TENT2: variants seen among roughly 807,000 people sequenced by gnomAD.
TENT2 encodes poly(A) RNA polymerase GLD2.
A neutral mutation model predicts 72.2 loss-of-function variants in TENT2; 44 were observed. The ratio of observed to expected loss-of-function variants is 0.61; its 90% CI spans 0.48 to 0.78. TENT2 has a LOEUF of 0.78. Ranked by LOEUF, TENT2 falls within the 30% of genes least tolerant of loss-of-function variation. The probability of loss-of-function intolerance (pLI) is 0.00; values close to 1 mark genes in which losing one functional copy is unlikely to be tolerated. For synonymous variants in TENT2, 212 were observed against 192.5 expected (o/e 1.10, Z -0.84); for missense variants, 541 against 569.6 (o/e 0.95, Z 0.51).
chr5:79,669,084 A>G, intron 12 of TENT2, 56 bp downstream of exon 12: 2 of 1,526,784 alleles, frequency 1.3e-6, no homozygotes, highest in Non-Finnish European at 1.8e-6. Flanking sequence ...GTGTGTATGT[A>G]TGTATATATA....
chr5:79,647,637 A>G (rs1448881486), intron 8 of TENT2, among the ~76,000 whole-genome samples: 1 of 152,210 alleles, frequency 6.6e-6, no homozygotes, highest in Admixed American at 6.5e-5. Context: ...GTAGATTTCA[A>G]ATTTTATACT....
intron 4 of TENT2, among the ~76,000 whole-genome samples, chr5:79,629,833 A>T (rs1773714305): frequency 7.4e-6 from 1 of 135,678 alleles, no homozygotes; most frequent in Non-Finnish European, 1.6e-5. Context: ...TCTCAAAAAA[A>T]AAATAATAAC....
intron 10 of TENT2, among the ~76,000 whole-genome samples, chr5:79,651,205 A>G (rs1434376844): frequency 1.3e-5 from 2 of 151,998 alleles, no homozygotes; most frequent in East Asian, 1.9e-4. Context: ...TGTTTAGCCA[A>G]ATATAAATAC....
intron 11 of TENT2, 126 bp from the exon 12 acceptor site, chr5:79,668,766 C>T (rs1350518744): frequency 8.6e-7 from 1 of 1,163,770 alleles, no homozygotes; most frequent in Non-Finnish European, 1.2e-6. Context: ...TTTCAGGTTT[C>T]CAAATTGCCA....
In TENT2 at chr5:79,620,083, A is replaced by G; in HGVS notation, c.227A>G (p.Lys76Arg). 1 of 1,580,368 alleles carries G rather than the reference A, an allele frequency of 6.3e-7. No homozygotes were observed. The highest frequency in any genetic ancestry group is 8.7e-7 in the Non-Finnish European group (1 of 1,151,466). ...GCTTCCCCATTATTTCGAGGAAGGAAGTAAGTACTTCTTAATTATTTTAAA... is the reference window on the plus strand; with the variant it reads ...GCTTCCCCATTATTTCGAGGAAGGAGGTAAGTACTTCTTAATTATTTTAAA... The part of the protein sequence containing the change: ...TSASPLFRGR[K>R]RLSDEKNLPL... The change falls in exon 3 of 15, where the codon AAG becomes AGG. Residue 76 changes from lysine to arginine, a missense_variant and splice_region_variant. Coordinates refer to ENST00000453514, the MANE Select transcript of TENT2 (RefSeq NM_001114394.3).
intron 11 of TENT2, among the ~76,000 whole-genome samples, chr5:79,667,093 G>A (rs1337251791): frequency 3.9e-5 from 6 of 152,112 alleles, no homozygotes; most frequent in South Asian, 2.1e-4. Context: ...TGGATCTCAC[G>A]ACTCTTCAGT....
chr5:79,644,346 C>G (rs1030625196), intron 7 of TENT2, among the ~76,000 whole-genome samples: 1 of 151,988 alleles, frequency 6.6e-6, no homozygotes. Flanking sequence ...TTTAAAAAAT[C>G]CCGGTACTAC....
intron 13 of TENT2, among the ~76,000 whole-genome samples, chr5:79,680,862 AT>A (rs1429502051): frequency 3.3e-5 from 5 of 152,018 alleles, no homozygotes; most frequent in Non-Finnish European, 5.9e-5. Flanking sequence ...TATTTAAGAC[AT>A]TTCATCTCAT....
intron 8 of TENT2, among the ~76,000 whole-genome samples, chr5:79,646,512 CT>C (rs1222940080): frequency 6.6e-6 from 1 of 152,130 alleles, no homozygotes; most frequent in African/African-American, 2.4e-5. Flanking sequence ...TTTAAACAAA[CT>C]TTAATGCCTG....
At chr5:79,684,173 T>C (rs917410646) in intron 14 of TENT2, among the ~76,000 whole-genome samples, 1 of 152,164 alleles carries the variant, frequency 6.6e-6, no homozygotes, top group Admixed American at 6.5e-5. Context: ...GAGACAGATT[T>C]TTAGCTTGTG....
intron 10 of TENT2, 92 bp downstream of exon 10, chr5:79,649,282 G>A: frequency 8.4e-7 from 1 of 1,196,840 alleles, no homozygotes; most frequent in Non-Finnish European, 1.1e-6. Context: ...AAATAGTATT[G>A]TTTTAAAAGT....
At chr5:79,663,699 A>G (rs949696233) in intron 11 of TENT2, among the ~76,000 whole-genome samples, 1 of 152,222 alleles carries the variant, frequency 6.6e-6, no homozygotes, top group African/African-American at 2.4e-5. Flanking sequence ...ATCACAGATC[A>G]CCATAAGATA....
chr5:79,670,673 A>G (rs575337384), intron 12 of TENT2, among the ~76,000 whole-genome samples: 12 of 151,842 alleles, frequency 7.9e-5, no homozygotes, highest in African/African-American at 2.7e-4. Flanking sequence ...ACTGGATGAG[A>G]CATAGTACAT....
intron 12 of TENT2, 32 bp downstream of exon 12, chr5:79,669,060 T>TTA: frequency 1.2e-6 from 2 of 1,603,170 alleles, no homozygotes; most frequent in Admixed American, 1.7e-5. Flanking sequence ...GTTTGTTCAC[T>TTA]TATATGTGTG....
At chr5:79,683,148 A>C (rs1418549318) in intron 14 of TENT2, among the ~76,000 whole-genome samples, 2 of 149,074 alleles carry the variant, frequency 1.3e-5, no homozygotes, top group African/African-American at 4.9e-5. Flanking sequence ...CTCCACCTCT[A>C]AAAAAAAAAT....
chr5:79,683,848 C>T (rs894408980), intron 14 of TENT2, among the ~76,000 whole-genome samples: 7 of 130,924 alleles, frequency 5.3e-5, no homozygotes, highest in South Asian at 5.1e-4. Flanking sequence ...GGCGTGAACC[C>T]GGGAGGCGGA....
intron 4 of TENT2, among the ~76,000 whole-genome samples, chr5:79,624,305 G>A (rs1767555727): frequency 6.6e-6 from 1 of 152,170 alleles, no homozygotes. Context: ...CTATCAACCA[G>A]CATGGGTCTG....
At chr5:79,663,855 C>A (rs1410060976) in intron 11 of TENT2, among the ~76,000 whole-genome samples, 2 of 152,132 alleles carry the variant, frequency 1.3e-5, no homozygotes, top group East Asian at 3.9e-4. Flanking sequence ...GTAAAAACTG[C>A]AGTATCTTCG....
At chr5:79,659,861 T>A (rs1050899915) in intron 11 of TENT2, among the ~76,000 whole-genome samples, 1 of 147,086 alleles carries the variant, frequency 6.8e-6, no homozygotes, top group African/African-American at 2.6e-5. Flanking sequence ...TTTGTATACA[T>A]CTGATTGTTC....
Sources: gnomAD v4.1 joint callset for allele counts (sites outside exome capture counted in the v4.1 genomes callset) on GRCh38, gnomAD v4.1.1 for gene constraint, MANE v1.5 for transcripts, NCBI Gene and HGNC (gene_info 2026-07-23, HGNC 2026-07-21) for gene names.